JPH3: variants seen among roughly 807,000 people sequenced by gnomAD.
JPH3 encodes junctophilin 3.
Under a neutral mutation model 59.6 loss-of-function variants are expected in JPH3, and 11 were observed. That is an observed-to-expected ratio of 0.18 (90% CI 0.12 to 0.31). The LOEUF (loss-of-function observed/expected upper bound fraction) is 0.31. JPH3 is among the 10% of genes least tolerant of loss of function. JPH3 has a pLI of 1.00. For synonymous variants in JPH3, 673 were observed against 483.6 expected, an observed-to-expected ratio of 1.39 and a Z score of -5.14; for missense variants, 1,202 against 1,105.7, an observed-to-expected ratio of 1.09 and a Z score of -1.24.
chr16:87,625,587 T>C (rs1044099305), intron 1 of JPH3, among the ~76,000 whole-genome samples: 4 of 152,142 alleles, frequency 2.6e-5, no homozygotes, highest in Non-Finnish European at 5.9e-5. Flanking sequence ...GGAGGAGGAC[T>C]GGCCCCACCT....
At chr16:87,664,221 C>A (rs868784350) in intron 2 of JPH3, among the ~76,000 whole-genome samples, 1 of 151,664 alleles carries the variant, frequency 6.6e-6, no homozygotes, top group Non-Finnish European at 1.5e-5. Context: ...GTCCCAGCTA[C>A]ATGGGAGGCT....
intron 1 of JPH3, among the ~76,000 whole-genome samples, chr16:87,609,102 G>A (rs986089803): frequency 6.2e-4 from 95 of 152,368 alleles, no homozygotes; most frequent in African/African-American, 2.1e-3. Context: ...TCCAGGAAGG[G>A]CTGCCACTTG....
intron 2 of JPH3, among the ~76,000 whole-genome samples, chr16:87,679,725 C>T (rs900218128): frequency 2.6e-5 from 4 of 152,234 alleles, no homozygotes; most frequent in Non-Finnish European, 5.9e-5. Flanking sequence ...CCAGGGCCCA[C>T]CAGAGCCTTA....
chr16:87,634,297 C>T (rs553492515), intron 1 of JPH3, among the ~76,000 whole-genome samples: 1 of 152,112 alleles, frequency 6.6e-6, no homozygotes, highest in Non-Finnish European at 1.5e-5. Context: ...TCCGGGGCAT[C>T]CTGGGCAGAG....
chr16:87,695,361 C>T (rs1488094944), intron 4 of JPH3: 1 of 456,040 alleles, frequency 2.2e-6, no homozygotes, highest in South Asian at 1.5e-5. Context: ...AGTAGCCATC[C>T]CTGAGGAATG....
rs375940648 is a variant in JPH3, at chr16:87,689,689, C to T, written c.1329C>T (p.Asp443=). ...QRPKRQTSCD[D]IEVLSTGTPL... ...CGAAGCGTCAGACCTCCTGTGACGA[C>T]ATCGAGGTGCTGTCCACCGGGACAC... Residue 443 remains aspartate, a synonymous_variant, in exon 4 of 5, where the codon GAC becomes GAT. Transcript: ENST00000284262. 27 of 1,612,342 alleles carry T rather than the reference C, an allele frequency of 1.7e-5. No homozygotes were observed. The African/African-American group carries it at 3.1e-4, about 18-fold the overall frequency.
At chr16:87,629,074 G>T (rs193194705) in intron 1 of JPH3, among the ~76,000 whole-genome samples, 32 of 152,092 alleles carry the variant, frequency 2.1e-4, no homozygotes, top group African/African-American at 6.0e-4. Flanking sequence ...CTGTGGGGGG[G>T]GCCCAGGTCT....
intron 1 of JPH3, among the ~76,000 whole-genome samples, chr16:87,634,149 G>A (rs1037854870): frequency 4.6e-5 from 7 of 152,166 alleles, no homozygotes; most frequent in African/African-American, 1.7e-4. Context: ...AGAAAGCCCT[G>A]GAGCTTTGTG....
chr16:87,626,060 T>A (rs569216633), intron 1 of JPH3, among the ~76,000 whole-genome samples: 1 of 152,280 alleles, frequency 6.6e-6, no homozygotes, highest in African/African-American at 2.4e-5. Flanking sequence ...TATGCGTAAG[T>A]TACTGCTATC....
intron 1 of JPH3, among the ~76,000 whole-genome samples, chr16:87,628,365 C>A (rs2031452382): frequency 6.6e-6 from 1 of 152,234 alleles, no homozygotes. Flanking sequence ...TCCCTAGCTG[C>A]CGCACTTCAG....
chr16:87,691,531 C>T (rs1178720650), intron 4 of JPH3, among the ~76,000 whole-genome samples: 2 of 152,090 alleles, frequency 1.3e-5, no homozygotes, highest in East Asian at 1.9e-4. Context: ...GGTTTATTGT[C>T]GACGCTGCGG....
chr16:87,665,523 C>A (rs2032834047), intron 2 of JPH3, among the ~76,000 whole-genome samples: 1 of 152,198 alleles, frequency 6.6e-6, no homozygotes, highest in South Asian at 2.1e-4. Context: ...CCTCCCAAGG[C>A]CCCCCAACAT....
chr16:87,694,408 C>G (rs528700815), intron 4 of JPH3: 14 of 152,296 alleles, frequency 9.2e-5, no homozygotes, highest in African/African-American at 3.4e-4. Context: ...CAAAAGGGTC[C>G]CCGGGCCAGA....
upstream of JPH3, among the ~76,000 whole-genome samples, chr16:87,602,491 C>G (rs1360297996): frequency 7.4e-6 from 1 of 135,458 alleles, no homozygotes. Flanking sequence ...GGGGTGCGGG[C>G]GCGCGCCGCG....
At chr16:87,621,450 G>C (rs2031182354) in intron 1 of JPH3, among the ~76,000 whole-genome samples, 1 of 152,246 alleles carries the variant, frequency 6.6e-6, no homozygotes, top group Non-Finnish European at 1.5e-5. Flanking sequence ...AAGGCCACAG[G>C]ACTGGGCCTG....
At position 87,644,542 on chromosome 16, in the gene JPH3, C is replaced by T. The variant is rs1392318966; in HGVS notation, c.667C>T (p.Leu223=). The change falls in exon 2 of 5, where the codon CTG becomes TTG. Residue 223 remains leucine, a synonymous_variant. Transcript: ENST00000284262. The stretch of plus-strand genomic sequence containing the variant: ...GTTTCGGCGCTCGCTGCTGAGTGGG[C>T]TGAAGCTGCGCAAGTCGGAGTCCAA... ...GLFRRSLLSG[L]KLRKSESKSS... 8 of 1,612,772 alleles carry T rather than the reference C, an allele frequency of 5.0e-6. No homozygotes were observed. The Admixed American group carries it at 8.3e-5, about 17-fold the overall frequency.
intron 1 of JPH3, among the ~76,000 whole-genome samples, chr16:87,634,571 C>T (rs556225721): frequency 3.6e-4 from 55 of 152,320 alleles, no homozygotes; most frequent in African/African-American, 1.2e-3. Flanking sequence ...TCCTCCCAGC[C>T]GCAGAGCCAC....
At chr16:87,677,669 C>T (rs1462566259) in intron 2 of JPH3, among the ~76,000 whole-genome samples, 2 of 152,318 alleles carry the variant, frequency 1.3e-5, no homozygotes, top group East Asian at 3.9e-4. Flanking sequence ...ACGGTGCTGT[C>T]CAGGGAGTCT....
Position 87,635,389 on chromosome 16 carries a change from G to T in JPH3, c.383-8869G>T, listed in dbSNP as rs533664686. On this transcript the variant is annotated intron_variant, in intron 1 of 4. Coordinates refer to ENST00000284262, the MANE Select transcript of JPH3 (RefSeq NM_020655.4). ...CTTCAGAGGAGGAAAAGAAACAAGG[G>T]TGTGAGATGTGCAGGCCCTGGTGAG... Among the ~76,000 whole-genome samples, 10 of 152,318 alleles carry T rather than the reference G, an allele frequency of 6.6e-5. No homozygotes were observed. The South Asian group carries it at 1.0e-3, about 16-fold the overall frequency.
Sources: gnomAD v4.1 joint callset for allele counts (sites outside exome capture counted in the v4.1 genomes callset) on GRCh38, gnomAD v4.1.1 for gene constraint, MANE v1.5 for transcripts, NCBI Gene and HGNC (gene_info 2026-07-23, HGNC 2026-07-21) for gene names.